LAIR1: variants seen among roughly 807,000 people sequenced by gnomAD.
LAIR1 encodes leukocyte associated immunoglobulin like receptor 1.
A neutral mutation model predicts 32.8 loss-of-function variants in LAIR1; 24 were observed. The observed-to-expected ratio is 0.73, with a 90% CI of 0.53 to 1.03. The LOEUF (loss-of-function observed/expected upper bound fraction) is 1.03, where lower values mean the gene tolerates loss of function less well. LAIR1 is among the 50% of genes least tolerant of loss of function. The pLI is 0.00. For missense variants in LAIR1, 355 were observed against 347.5 expected, an observed-to-expected ratio of 1.02 and a Z score of -0.17; for synonymous variants, 150 against 140.5, an observed-to-expected ratio of 1.07 and a Z score of -0.48.
intron 7 of LAIR1, 23 bp from the exon 8 acceptor site, chr19:54,356,290 A>G: frequency 6.2e-7 from 1 of 1,612,188 alleles, no homozygotes; most frequent in Non-Finnish European, 8.5e-7. Flanking sequence ...ATAAAAGTGA[A>G]CCTCAGGGGC....
chr19:54,367,501 T>A (rs889770819), upstream of LAIR1, among the ~76,000 whole-genome samples: 10 of 152,016 alleles, frequency 6.6e-5, no homozygotes, highest in Admixed American at 1.3e-4. Flanking sequence ...CTTCTCAGCA[T>A]TTTGGGAGGC....
At chr19:54,371,128 T>A (rs1308120835), upstream of LAIR1, among the ~76,000 whole-genome samples, 12 of 151,300 alleles carry the variant, frequency 7.9e-5, no homozygotes, top group Non-Finnish European at 1.6e-4. Context: ...ATAAAGCATG[T>A]CTATTTCTGT....
At chr19:54,356,089 A>G in intron 8 of LAIR1, 83 bp from the exon 9 acceptor site, 1 of 1,252,096 alleles carries the variant, frequency 8.0e-7, no homozygotes, top group South Asian at 1.2e-5. Flanking sequence ...CCAGCTTCCG[A>G]TGACATCCTG....
At chr19:54,371,594 C>T (rs1307670596), upstream of LAIR1, among the ~76,000 whole-genome samples, 1 of 151,556 alleles carries the variant, frequency 6.6e-6, no homozygotes, top group Non-Finnish European at 1.5e-5. Context: ...CTACTGTGCC[C>T]AGCCTCGTTT....
upstream of LAIR1, among the ~76,000 whole-genome samples, chr19:54,367,179 G>C (rs2045951498): frequency 6.6e-6 from 1 of 152,208 alleles, no homozygotes; most frequent in Admixed American, 6.5e-5. Context: ...GTTTGCATCA[G>C]AATAGTCCAA....
chr19:54,363,055 A>G (rs1393061546), intron 2 of LAIR1, among the ~76,000 whole-genome samples: 2 of 152,078 alleles, frequency 1.3e-5, no homozygotes, highest in South Asian at 2.1e-4. Flanking sequence ...ACGATGAGAT[A>G]TTAAATGAAA....
At chr19:54,370,745 C>CTT (rs888378247), upstream of LAIR1, among the ~76,000 whole-genome samples, 16 of 145,976 alleles carry the variant, frequency 1.1e-4, 1 homozygote, top group African/African-American at 3.8e-4. Flanking sequence ...CCAAACGTTA[C>CTT]TTTTTTTTTT....
intron 2 of LAIR1, among the ~76,000 whole-genome samples, chr19:54,363,596 C>T (rs2082123682): frequency 6.6e-6 from 1 of 152,160 alleles, no homozygotes; most frequent in African/African-American, 2.4e-5. Flanking sequence ...TGTGTATATG[C>T]AATGGAATAT....
chr19:54,353,164 A>G lies in LAIR1; in HGVS notation c.*2104T>C, dbSNP rs1193813946. ...CAACAAGAGCGAAACTCCATCTCAA[A>G]AAAAAAAAAAAAGAGAGAGAGAGAC... On this transcript the variant is annotated 3_prime_UTR_variant, in exon 10 of 10. Coordinates refer to ENST00000391742, the MANE Select transcript of LAIR1 (RefSeq NM_002287.6). 1 of 105,044 alleles carries G rather than the reference A, an allele frequency of 9.5e-6. No homozygotes were observed. Among genetic ancestry groups the G allele is most frequent in the Non-Finnish European group, 1.9e-5 (1 of 53,036 alleles). 6.5% of individuals were successfully genotyped at this position (105,044 alleles called of 1,614,324 possible).
At position 54,361,118 on chromosome 19, in the gene LAIR1, C is replaced by T; in HGVS notation, c.162G>A (p.Gly54=). 6.2e-7 allele frequency: 1 copy of T among 1,614,170 alleles called. No homozygotes were observed. Among genetic ancestry groups the T allele is most frequent in the Non-Finnish European group, 8.5e-7 (1 of 1,180,010 alleles). The change falls in exon 3 of 10, where the codon GGG becomes GGA. Residue 54 remains glycine (G), a synonymous_variant. Coordinates refer to ENST00000391742, the MANE Select transcript of LAIR1 (RefSeq NM_002287.6). ...HVTFVCRGPV[G]VQTFRLERDS... is the part of the protein sequence containing the mutation. Reference sequence around the variant, plus strand: ...CCCTCTCCAGGCGGAATGTTTGAACCCCAACCGGGCCCCGGCACACGAAAG... The same window carrying T: ...CCCTCTCCAGGCGGAATGTTTGAACTCCAACCGGGCCCCGGCACACGAAAG...
chr19:54,367,842 G>A (rs906355422), upstream of LAIR1, among the ~76,000 whole-genome samples: 8 of 141,322 alleles, frequency 5.7e-5, no homozygotes, highest in Non-Finnish European at 9.1e-5. Flanking sequence ...GCGCAATCTC[G>A]GCTCACTGCA....
At chr19:54,365,779 T>C (rs1462336633), upstream of LAIR1, among the ~76,000 whole-genome samples, 4 of 144,786 alleles carry the variant, frequency 2.8e-5, no homozygotes, top group Admixed American at 7.0e-5. Flanking sequence ...CAAGACTCTG[T>C]CTAAAAAAAA....
chr19:54,362,415 A>T (rs1295323183), intron 2 of LAIR1, among the ~76,000 whole-genome samples: 2 of 152,240 alleles, frequency 1.3e-5, no homozygotes, highest in African/African-American at 4.8e-5. Flanking sequence ...TGTGAGAAAC[A>T]CACACAGGAT....
intron 4 of LAIR1, chr19:54,358,306 A>G (rs190897749): frequency 1.3e-5 from 2 of 151,800 alleles, no homozygotes; most frequent in Admixed American, 1.4e-4. Flanking sequence ...TATCTTTCAT[A>G]TAATATATAA....
At position 54,354,530 on chromosome 19, in the gene LAIR1, C is replaced by T. The variant is rs1047874351; in HGVS notation, c.*738G>A. The stretch of plus-strand genomic sequence containing the variant: ...TCACATTTTACACCTTGAATACGTA[C>T]AATCCTGATCAATTAAATTTTAAAA... On this transcript the variant is annotated 3_prime_UTR_variant, in exon 10 of 10. Coordinates refer to ENST00000391742, the MANE Select transcript of LAIR1 (RefSeq NM_002287.6). 6.6e-6 allele frequency: 1 copy of T among 152,206 alleles called. No individual in the cohort carries two copies. Among genetic ancestry groups the T allele is most frequent in the African/African-American group, 2.4e-5 (1 of 41,436 alleles). The allele number at this position is 152,206 out of a possible 1,614,324, so 9.4% of individuals were successfully genotyped here. A position where few individuals can be genotyped will look rare whatever the true frequency, so the allele number is the denominator to read the frequency against.
In LAIR1 at chr19:54,356,402, A is replaced by G; in HGVS notation, c.584-4T>C. ...TCGTCCTTGCTTCTGGGGGGCCCTA[A>G]GGACAGTCGGGGTGTGAATTAAGGA... On this transcript the variant is annotated splice_region_variant and splice_polypyrimidine_tract_variant and intron_variant, in intron 6 of 9. Coordinates refer to ENST00000391742, the MANE Select transcript of LAIR1 (RefSeq NM_002287.6). 2 of 1,597,666 alleles carry G rather than the reference A, an allele frequency of 1.3e-6. No homozygotes were observed. The highest frequency in any genetic ancestry group is 8.5e-7 in the Non-Finnish European group (1 of 1,172,058).
Position 54,356,515 on chromosome 19 carries a change from G to C in LAIR1, c.559C>G (p.His187Asp). Residue 187 changes from histidine to aspartate, a missense_variant, in exon 6 of 10, where the codon CAT becomes GAT. Transcript: ENST00000391742. ...CLLLLVLFCL[H>D]RQNQIKQGPP... ...CCCTGCTTTATCTGATTCTGGCGATGGAGGCAGAAGAGGACCAGGAGGAGG... is the reference window on the plus strand; with the variant it reads ...CCCTGCTTTATCTGATTCTGGCGATCGAGGCAGAAGAGGACCAGGAGGAGG... The C allele has an allele frequency of 6.2e-7, 1 of 1,614,012 alleles. No homozygotes were observed. The highest frequency in any genetic ancestry group is 1.1e-5 in the South Asian group (1 of 91,058).
At chr19:54,373,778 G>A (rs1423544137), upstream of LAIR1, among the ~76,000 whole-genome samples, 9 of 152,300 alleles carry the variant, frequency 5.9e-5, no homozygotes, top group East Asian at 1.2e-3. Flanking sequence ...TGACCAGTGC[G>A]GTTTTCTCTG....
At chr19:54,362,325 A>C (rs1387248018) in intron 2 of LAIR1, among the ~76,000 whole-genome samples, 1 of 151,954 alleles carries the variant, frequency 6.6e-6, no homozygotes, top group African/African-American at 2.4e-5. Context: ...CCATTTGTTC[A>C]TTTTTCTTTC....
Sources: gnomAD v4.1 joint callset for allele counts (sites outside exome capture counted in the v4.1 genomes callset) on GRCh38, gnomAD v4.1.1 for gene constraint, MANE v1.5 for transcripts, NCBI Gene and HGNC (gene_info 2026-07-23, HGNC 2026-07-21) for gene names.